Variants in NIPA1 observed in about 807,000 individuals in gnomAD.
NIPA1 encodes NIPA magnesium transporter 1.
NIPA1 carries 13 observed loss-of-function variants against 23.9 expected under a neutral mutation model. The ratio of observed to expected loss-of-function variants is 0.54; its 90% confidence interval spans 0.35 to 0.87. NIPA1 has a LOEUF of 0.87. NIPA1 is among the 40% of genes least tolerant of loss of function. The pLI, the probability that NIPA1 is intolerant of heterozygous loss-of-function variation, is 0.01. For synonymous variants in NIPA1, 234 were observed against 202.9 expected, an observed-to-expected ratio of 1.15 and a Z score of -1.30; for missense variants, 362 against 429.7, an observed-to-expected ratio of 0.84 and a Z score of 1.39.
At chr15:22,808,372 C>T (rs1465955033) in intron 1 of NIPA1, among the ~76,000 whole-genome samples, 1 of 152,206 alleles carries the variant, frequency 6.6e-6, no homozygotes, top group African/African-American at 2.4e-5. Context: ...CTGAGAGGGA[C>T]ACCAGACAGG....
intron 1 of NIPA1, among the ~76,000 whole-genome samples, chr15:22,800,937 A>C (rs1197419058): frequency 3.0e-5 from 2 of 66,660 alleles, no homozygotes; most frequent in Admixed American, 2.7e-4. Flanking sequence ...TCTCAAAAAA[A>C]AAAAAAGAAA....
rs754924522 is a variant in NIPA1 at position 22,812,304 on chromosome 15, A to G, written c.317+51A>G. On this transcript the variant is annotated intron_variant, in intron 3 of 4. Transcript: ENST00000337435. The stretch of plus-strand genomic sequence containing the variant: ...TTTAATGTGTAGTGTAGATATAACA[A>G]CTTTTCATTTTAAATGTTTCTGTTA... 1.1e-5 allele frequency: 14 copies of G among 1,300,432 alleles called. 1 individual carries two copies. In the East Asian group the frequency reaches 3.0e-4, roughly 28 times the overall value. The allele number at this position is 1,300,432 out of a possible 1,614,324, so 80.6% of individuals were successfully genotyped here. A position where few individuals can be genotyped will look rare whatever the true frequency, so the allele number is the denominator to read the frequency against.
intron 1 of NIPA1, among the ~76,000 whole-genome samples, chr15:22,788,497 T>C (rs1171264868): frequency 3.1e-5 from 2 of 63,654 alleles, no homozygotes; most frequent in East Asian, 2.9e-4. Context: ...AGACTCCATC[T>C]CAAAAAAAAA....
rs1461141394 is a variant in NIPA1 at position 22,814,130 on chromosome 15, G to A, written c.317+1877G>A. On this transcript the variant is annotated intron_variant, in intron 3 of 4. Transcript: ENST00000337435. ...TGTCAGATGGTGTTCTGGATAAAAA[G>A]CCTGTCTTCAACTTGGAATCCCAGT... The A allele has an allele frequency of 4.0e-6, 5 of 1,263,126 alleles. No homozygotes were observed. The African/African-American group carries it at 7.6e-5, about 19-fold the overall frequency. The allele number at this position is 1,263,126 out of a possible 1,614,324, so 78.2% of individuals were successfully genotyped here. A position where few individuals can be genotyped will look rare whatever the true frequency, so the allele number is the denominator to read the frequency against.
intron 1 of NIPA1, among the ~76,000 whole-genome samples, chr15:22,801,158 G>A (rs901984732): frequency 1.3e-5 from 2 of 151,970 alleles, no homozygotes; most frequent in Non-Finnish European, 2.9e-5. Flanking sequence ...TCAGTCTGTC[G>A]TGAGCTTGTC....
intron 1 of NIPA1, among the ~76,000 whole-genome samples, chr15:22,791,042 A>G (rs1197743385): frequency 1.3e-5 from 2 of 152,158 alleles, no homozygotes; most frequent in African/African-American, 4.8e-5. Context: ...TATATTGCAC[A>G]GTGGTGAAGT....
chr15:22,799,168 G>A (rs1208328547), intron 1 of NIPA1, among the ~76,000 whole-genome samples: 1 of 152,104 alleles, frequency 6.6e-6, no homozygotes, highest in Non-Finnish European at 1.5e-5. Context: ...CAGTGTCATG[G>A]AATTAACCTA....
At chr15:22,789,749 T>C (rs572702373) in intron 1 of NIPA1, among the ~76,000 whole-genome samples, 10 of 152,208 alleles carry the variant, frequency 6.6e-5, no homozygotes, top group Admixed American at 5.9e-4. Flanking sequence ...AGAATTTGGC[T>C]GAGGGGCACA....
At chr15:22,817,649 C>T (rs1895453133) in intron 3 of NIPA1, among the ~76,000 whole-genome samples, 1 of 150,796 alleles carries the variant, frequency 6.6e-6, no homozygotes, top group Non-Finnish European at 1.5e-5. Flanking sequence ...AAAAGAAATA[C>T]AAAAAATTAG....
chr15:22,813,921 TAATC>T (rs1895365892), intron 3 of NIPA1, among the ~76,000 whole-genome samples: 1 of 152,198 alleles, frequency 6.6e-6, no homozygotes, highest in South Asian at 2.1e-4. Context: ...CCCTGAAAGA[TAATC>T]AGGCAGATAA....
At chr15:22,811,060 C>G (rs533915192) in intron 2 of NIPA1, 1 of 517,484 alleles carries the variant, frequency 1.9e-6, no homozygotes, top group Middle Eastern at 5.3e-4. Flanking sequence ...CACGATTAGC[C>G]GTGAATTCAG....
intron 1 of NIPA1, among the ~76,000 whole-genome samples, chr15:22,801,398 G>A (rs984227542): frequency 4.6e-5 from 7 of 151,962 alleles, no homozygotes; most frequent in Non-Finnish European, 7.4e-5. Context: ...CTCAGGGTGC[G>A]TGGGGGCAGT....
intron 1 of NIPA1, among the ~76,000 whole-genome samples, chr15:22,790,694 G>A (rs112065234): frequency 0.24 from 36,848 of 151,926 alleles, 5,520 homozygotes; most frequent in South Asian, 0.36. Flanking sequence ...GATTACAGGC[G>A]TGAGCCACCA....
At chr15:22,789,640 A>T (rs767382791) in intron 1 of NIPA1, among the ~76,000 whole-genome samples, 5 of 152,174 alleles carry the variant, frequency 3.3e-5, no homozygotes, top group Non-Finnish European at 7.4e-5. Context: ...GGTGTCTTAC[A>T]CTAGGGAACA....
intron 1 of NIPA1, among the ~76,000 whole-genome samples, chr15:22,804,816 G>A (rs1338751961): frequency 6.6e-6 from 1 of 151,986 alleles, no homozygotes; most frequent in Admixed American, 6.6e-5. Context: ...GTACCATACT[G>A]TCTTGATTAT....
rs375360311 is a variant in NIPA1 at position 22,806,158 on chromosome 15, T to C, written c.179-4591T>C. On this transcript the variant is annotated intron_variant, in intron 1 of 4. Transcript: ENST00000337435. ...CAGGATGGTCTTGATCTCCTGACCT[T>C]GTGATCCGCCCGCCTCGGCCTCCCA... is the stretch of plus-strand genomic sequence containing the variant. Among the ~76,000 whole-genome samples the C allele has an allele frequency of 4.1e-3, 625 of 152,206 alleles. 5 individuals carry two copies. The highest frequency in any genetic ancestry group is 0.017 in the Middle Eastern group (5 of 294).
intron 1 of NIPA1, among the ~76,000 whole-genome samples, chr15:22,800,102 C>T (rs957065081): frequency 6.6e-6 from 1 of 151,862 alleles, no homozygotes; most frequent in African/African-American, 2.4e-5. Context: ...ACTAGAAGCC[C>T]AAACCCCAGC....
At chr15:22,786,525 C>T, upstream of NIPA1, 1 of 179,276 alleles carries the variant, frequency 5.6e-6, no homozygotes, top group South Asian at 1.8e-4. Context: ...CCCCGTCCCG[C>T]CCCCGCCCCT....
At chr15:22,788,030 TAC>T (rs1179728975) in intron 1 of NIPA1, among the ~76,000 whole-genome samples, 4 of 152,078 alleles carry the variant, frequency 2.6e-5, no homozygotes, top group Non-Finnish European at 4.4e-5. Context: ...GGCACACAGA[TAC>T]ACACACACCG....
Sources: allele counts gnomAD v4.1 joint callset (sites outside exome capture counted in the v4.1 genomes callset), GRCh38; gene constraint gnomAD v4.1.1; transcripts MANE v1.5; gene names NCBI Gene and HGNC (gene_info 2026-07-23, HGNC 2026-07-21).